The following POTEJ variants were observed in gnomAD, a reference collection of about 807,000 sequenced individuals.
The protein encoded by POTEJ is POTE ankyrin domain family, member J.
In POTEJ, 11 loss-of-function variants were observed where a neutral mutation model predicts 69.0. The ratio of observed to expected loss-of-function variants is 0.16; its 90% CI spans 0.10 to 0.26. The LOEUF is 0.26. POTEJ is among the 10% of genes least tolerant of loss of function. The pLI, the probability that POTEJ is intolerant of heterozygous loss-of-function variation, is 1.00. For synonymous variants in POTEJ, 117 were observed against 381.1 expected, an observed-to-expected ratio of 0.31 and a Z score of 8.07; for missense variants, 327 against 1,045.5, an observed-to-expected ratio of 0.31 and a Z score of 9.48.
intron 1 of POTEJ, among the ~76,000 whole-genome samples, chr2:130,613,382 G>GTATATATATA (rs1161503074): frequency 2.3e-5 from 2 of 85,516 alleles, no homozygotes; most frequent in African/African-American, 7.9e-5. Flanking sequence ...GTGTGTGTGT[G>GTATATATATA]TGTATATATA....
chr2:130,654,643 T>C (rs1405636588), intron 13 of POTEJ, among the ~76,000 whole-genome samples: 1 of 145,332 alleles, frequency 6.9e-6, no homozygotes, highest in African/African-American at 2.6e-5. Context: ...TATATATTAA[T>C]AATAATAGAA....
At chr2:130,636,443 G>A (rs1178107394) in intron 9 of POTEJ, among the ~76,000 whole-genome samples, 2 of 143,914 alleles carry the variant, frequency 1.4e-5, no homozygotes, top group African/African-American at 5.1e-5. Context: ...TCGTTTCTTA[G>A]AGTCTTTGAT....
chr2:130,648,787 T>C lies in POTEJ; in HGVS notation c.1667+2477T>C, dbSNP rs1201836672. Among the ~76,000 whole-genome samples the C allele has an allele frequency of 6.4e-5, 6 of 93,130 alleles. No homozygotes were observed. In the East Asian group the frequency reaches 1.5e-3, roughly 23 times the overall value. 61.1% of individuals were successfully genotyped at this position (93,130 alleles called of 152,430 possible). ...CTCAATCTTCTTTCTCATAGTTTTT[T>C]TTTTTTTTTTTTTTTTTTTTTTTAA... is the stretch of plus-strand genomic sequence containing the variant. On this transcript the variant is annotated intron_variant, in intron 13 of 14. Transcript: ENST00000409602.
chr2:130,636,276 G>A (rs1291498719), intron 9 of POTEJ, among the ~76,000 whole-genome samples: 6 of 152,216 alleles, frequency 3.9e-5, no homozygotes, highest in African/African-American at 1.2e-4. Flanking sequence ...GAAGAACCGT[G>A]TACTACCCAG....
At chr2:130,612,551 G>A (rs1475084741) in intron 1 of POTEJ, among the ~76,000 whole-genome samples, 2 of 152,274 alleles carry the variant, frequency 1.3e-5, no homozygotes, top group Admixed American at 6.5e-5. Context: ...ACGAGGTCAG[G>A]AGATCGAGAC....
intron 10 of POTEJ, among the ~76,000 whole-genome samples, chr2:130,639,142 A>G (rs1686231576): frequency 6.6e-6 from 1 of 152,306 alleles, no homozygotes; most frequent in African/African-American, 2.4e-5. Context: ...GTAAATACAG[A>G]TGAAGCTTCC....
intron 13 of POTEJ, among the ~76,000 whole-genome samples, chr2:130,648,781 GTTTTTTTTTTT>G (rs761289482): frequency 8.6e-4 from 70 of 81,688 alleles, no homozygotes; most frequent in African/African-American, 3.8e-3. Context: ...CTTTCTCATA[GTTTTTTTTTTT>G]TTTTTTTTTT....
At chr2:130,625,560 T>G (rs1371173756) in intron 6 of POTEJ, among the ~76,000 whole-genome samples, 1 of 151,212 alleles carries the variant, frequency 6.6e-6, no homozygotes, top group African/African-American at 2.5e-5. Context: ...GAGAGAAGAA[T>G]TTTTCTAGGT....
chr2:130,648,479 A>T (rs1256271182), intron 13 of POTEJ, among the ~76,000 whole-genome samples: 2 of 139,358 alleles, frequency 1.4e-5, no homozygotes, highest in Non-Finnish European at 1.5e-5. Context: ...AATGCCGGTA[A>T]GTCTTCAATT....
chr2:130,628,692 G>A (rs1339324019), intron 6 of POTEJ, among the ~76,000 whole-genome samples: 4 of 132,966 alleles, frequency 3.0e-5, no homozygotes, highest in African/African-American at 6.5e-5. Flanking sequence ...AAGACATGCA[G>A]AATCAAGGAA....
chr2:130,639,707 G>T (rs1233487014), intron 10 of POTEJ, among the ~76,000 whole-genome samples: 1 of 152,120 alleles, frequency 6.6e-6, no homozygotes, highest in East Asian at 1.9e-4. Context: ...TTTATAAGTT[G>T]CAGGAGACAA....
chr2:130,634,131 GACTT>G (rs1310103692), intron 9 of POTEJ, among the ~76,000 whole-genome samples: 1 of 152,216 alleles, frequency 6.6e-6, no homozygotes, highest in Non-Finnish European at 1.5e-5. Flanking sequence ...CAAAATACTT[GACTT>G]ACAAAAACAG....
At chr2:130,642,829 C>G (rs1244145077) in intron 10 of POTEJ, among the ~76,000 whole-genome samples, 1 of 151,668 alleles carries the variant, frequency 6.6e-6, no homozygotes, top group African/African-American at 2.4e-5. Flanking sequence ...CTCGCTCCCG[C>G]TCTTGCTGCT....
intron 13 of POTEJ, among the ~76,000 whole-genome samples, chr2:130,649,621 C>T (rs1169171393): frequency 2.6e-5 from 4 of 152,178 alleles, no homozygotes; most frequent in African/African-American, 9.7e-5. Context: ...TGATTGCCTC[C>T]CATTTCACTC....
chr2:130,618,859 G>T (rs1685457280), intron 3 of POTEJ, among the ~76,000 whole-genome samples: 1 of 112,494 alleles, frequency 8.9e-6, no homozygotes, highest in East Asian at 2.4e-4. Context: ...ACAGCTCACT[G>T]CAGCCTCGAC....
At position 130,611,740 on chromosome 2, in the gene POTEJ, C is replaced by T. The variant is rs1485547057; in HGVS notation, c.208C>T (p.Pro70Ser). The T allele has an allele frequency of 6.4e-7, 1 of 1,570,384 alleles. No individual in the cohort carries two copies. Among genetic ancestry groups the T allele is most frequent in the Non-Finnish European group, 8.7e-7 (1 of 1,151,964 alleles). Residue 70 changes from proline to serine, a missense_variant, in exon 1 of 15, where the codon CCC becomes TCC. By Grantham distance (74) the Pro-to-Ser change is moderately conservative (BLOSUM62 -1). Transcript: ENST00000409602. ...GGGCAAGTGGTGCTGCCACTGCTTC[C>T]CCTGCTGCAGGGGGAGCGGCAAGAG... ...KMGKWCCHCF[P>S]CCRGSGKSNV...
At chr2:130,641,229 C>T (rs1686360399) in intron 10 of POTEJ, among the ~76,000 whole-genome samples, 1 of 152,152 alleles carries the variant, frequency 6.6e-6, no homozygotes, top group Non-Finnish European at 1.5e-5. Flanking sequence ...GCAAAGAAAC[C>T]AGGAGACAAA....
At position 130,632,110 on chromosome 2, in the gene POTEJ, A is replaced by G. The variant is rs572979398; in HGVS notation, c.1132-380A>G. Among the ~76,000 whole-genome samples the G allele has an allele frequency of 2.5e-3, 369 of 149,718 alleles. 1 individual carries two copies. Among genetic ancestry groups the G allele is most frequent in the African/African-American group, 8.4e-3 (328 of 39,186 alleles). On this transcript the variant is annotated intron_variant, in intron 8 of 14. Coordinates refer to ENST00000409602, the MANE Select transcript of POTEJ (RefSeq NM_001277083.2). Reference sequence around the variant, plus strand: ...AATGTAAAATCTAGGTGGTAAAGACAGAAGACACATTTTGCATCTTTGTCT... The same window carrying G: ...AATGTAAAATCTAGGTGGTAAAGACGGAAGACACATTTTGCATCTTTGTCT...
At chr2:130,656,520 C>G in intron 14 of POTEJ, 29 bp from the exon 15 acceptor site, 3 of 1,603,198 alleles carry the variant, frequency 1.9e-6, no homozygotes, top group South Asian at 2.2e-5. Flanking sequence ...CTATTGAGTG[C>G]TAACTAAAAG....
Sources: allele counts gnomAD v4.1 joint callset (sites outside exome capture counted in the v4.1 genomes callset), GRCh38; gene constraint gnomAD v4.1.1; transcripts MANE v1.5; gene names NCBI Gene and HGNC (gene_info 2026-07-23, HGNC 2026-07-21).